RFX8: variants seen among roughly 807,000 people sequenced by gnomAD.
The protein encoded by RFX8 is regulatory factor X8.
Under a neutral mutation model 54.6 loss-of-function variants are expected in RFX8, and 46 were observed. That is an observed-to-expected ratio of 0.84 (90% confidence interval 0.67 to 1.08). RFX8 has a LOEUF of 1.08. Among genes scored for constraint, RFX8 ranks in the 50% least tolerant of loss-of-function variants. The pLI is 0.00. For synonymous variants in RFX8, 192 were observed against 209.5 expected (o/e 0.92, Z 0.72); for missense variants, 536 against 562.3 (o/e 0.95, Z 0.47).
intron 6 of RFX8, among the ~76,000 whole-genome samples, chr2:101,416,959 C>A (rs1464212139): frequency 6.6e-6 from 1 of 152,128 alleles, no homozygotes; most frequent in Non-Finnish European, 1.5e-5. Flanking sequence ...TGTGAGAATG[C>A]CCTGGTGAAT....
At chr2:101,458,035 T>C (rs1411130264) in intron 2 of RFX8, among the ~76,000 whole-genome samples, 1 of 152,222 alleles carries the variant, frequency 6.6e-6, no homozygotes, top group Non-Finnish European at 1.5e-5. Flanking sequence ...TTGCAACCCC[T>C]GCTTTTTTTT....
chr2:101,435,251 G>C (rs919913716), intron 2 of RFX8: 1 of 152,304 alleles, frequency 6.6e-6, no homozygotes, highest in Non-Finnish European at 1.5e-5. Flanking sequence ...CACAGTTTTA[G>C]AGGCTTTTTA....
intron 9 of RFX8, among the ~76,000 whole-genome samples, chr2:101,407,389 A>G (rs1307518813): frequency 6.6e-6 from 1 of 152,118 alleles, no homozygotes; most frequent in Non-Finnish European, 1.5e-5. Context: ...GGACAATGAG[A>G]GTACAAAAGC....
chr2:101,473,182 C>T (rs1341992596), intron 1 of RFX8, among the ~76,000 whole-genome samples: 3 of 152,174 alleles, frequency 2.0e-5, no homozygotes, highest in African/African-American at 7.2e-5. Context: ...GGAGGATGTT[C>T]AGGTATTTTT....
In RFX8 at chr2:101,410,660, G is replaced by A; in HGVS notation, c.772C>T (p.Leu258Phe). The A allele has an allele frequency of 6.5e-7, 1 of 1,547,446 alleles. No individual in the cohort carries two copies. The highest frequency in any genetic ancestry group is 8.7e-7 in the Non-Finnish European group (1 of 1,143,248). Residue 258 changes from leucine to phenylalanine, a missense_variant, in exon 9 of 12, where the codon CTC becomes TTC. By Grantham distance (22) the Leu-to-Phe change is conservative (BLOSUM62 0). Coordinates refer to ENST00000428343, the MANE Select transcript of RFX8 (RefSeq NM_001145664.2). ...LGTSTDLRVF[L>F]SCLSSHLQAF... ...TGGAGATGTGAAGACAGACAGCTGA[G>A]GAATACCCTGAGATCTGTTGATGTT...
At chr2:101,474,417 G>A (rs1470382697) in intron 1 of RFX8, 3 of 378,896 alleles carry the variant, frequency 7.9e-6, no homozygotes, top group South Asian at 1.1e-4. Context: ...GGCGCGGGGC[G>A]GGAGCCCAGT....
At chr2:101,472,068 G>T (rs958959248) in intron 1 of RFX8, among the ~76,000 whole-genome samples, 1 of 152,128 alleles carries the variant, frequency 6.6e-6, no homozygotes, top group Non-Finnish European at 1.5e-5. Flanking sequence ...TGATGTTGAC[G>T]TTAAAACCAC....
chr2:101,404,586 T>G (rs1302656977), intron 10 of RFX8, among the ~76,000 whole-genome samples: 2 of 151,216 alleles, frequency 1.3e-5, no homozygotes, highest in African/African-American at 4.9e-5. Context: ...CCACCACACC[T>G]GGCTAATTTT....
intron 1 of RFX8, among the ~76,000 whole-genome samples, chr2:101,472,084 C>T (rs1436080621): frequency 2.0e-5 from 3 of 152,100 alleles, no homozygotes; most frequent in South Asian, 2.1e-4. Context: ...ACCACTAGTA[C>T]CAACGATCTG....
At chr2:101,437,909 AT>A (rs1687871030) in intron 2 of RFX8, among the ~76,000 whole-genome samples, 1 of 151,904 alleles carries the variant, frequency 6.6e-6, no homozygotes, top group Non-Finnish European at 1.5e-5. Context: ...TGCTTCCCCC[AT>A]CCCTACGTCA....
chr2:101,422,548 A>G (rs1686927843), intron 2 of RFX8, 76 bp from the exon 3 acceptor site: 1 of 814,042 alleles, frequency 1.2e-6, no homozygotes, highest in Non-Finnish European at 2.1e-6. Flanking sequence ...TCTTATGATC[A>G]CACTACTATA....
chr2:101,462,993 G>C (rs1212952300), intron 2 of RFX8, among the ~76,000 whole-genome samples: 1 of 152,182 alleles, frequency 6.6e-6, no homozygotes, highest in Admixed American at 6.5e-5. Flanking sequence ...ATGGCCCAAA[G>C]AGGAGACAAA....
chr2:101,413,144 T>G, intron 7 of RFX8, 73 bp from the exon 8 acceptor site: 1 of 1,280,358 alleles, frequency 7.8e-7, no homozygotes, highest in Non-Finnish European at 1.1e-6. Context: ...TCCCCCAAAT[T>G]GCCAAGATTT....
intron 11 of RFX8, among the ~76,000 whole-genome samples, chr2:101,401,253 C>T (rs72973915): frequency 0.017 from 2,552 of 152,264 alleles, 78 homozygotes; most frequent in African/African-American, 0.057. Flanking sequence ...TGCATTTCCC[C>T]GGCTCCTGTT....
At chr2:101,414,759 A>T in intron 7 of RFX8, 95 bp downstream of exon 7, 1 of 950,686 alleles carries the variant, frequency 1.1e-6, no homozygotes, top group South Asian at 1.5e-5. Flanking sequence ...CTCCAGATGG[A>T]CAGAGCAACC....
At chr2:101,421,897 C>T in intron 3 of RFX8, 120 bp from the exon 4 acceptor site, 1 of 703,966 alleles carries the variant, frequency 1.4e-6, no homozygotes. Flanking sequence ...ATGACAATAG[C>T]TGCGCTCTTC....
intron 2 of RFX8, among the ~76,000 whole-genome samples, chr2:101,460,213 C>A (rs1307545578): frequency 6.6e-6 from 1 of 152,030 alleles, no homozygotes; most frequent in African/African-American, 2.4e-5. Flanking sequence ...TGAGGCGACA[C>A]CCCACCCTGC....
intron 2 of RFX8, chr2:101,450,523 T>A: frequency 1.3e-6 from 1 of 744,786 alleles, no homozygotes; most frequent in East Asian, 2.7e-5. Flanking sequence ...CCACCACACT[T>A]GGCCTGAATG....
chr2:101,440,138 A>G (rs779536619), intron 2 of RFX8, among the ~76,000 whole-genome samples: 8 of 152,184 alleles, frequency 5.3e-5, no homozygotes, highest in South Asian at 2.1e-4. Context: ...GATAATTCAT[A>G]TACCATACAA....
Sources: allele counts gnomAD v4.1 joint callset (sites outside exome capture counted in the v4.1 genomes callset), GRCh38; gene constraint gnomAD v4.1.1; transcripts MANE v1.5; gene names NCBI Gene and HGNC (gene_info 2026-07-23, HGNC 2026-07-21).